Variants in CELF2 observed in about 807,000 individuals in gnomAD.
CELF2 encodes CUG triplet repeat RNA-binding protein 2.
A neutral mutation model predicts 62.6 loss-of-function variants in CELF2; 8 were observed. That is an observed-to-expected ratio of 0.13 (90% CI 0.07 to 0.23). The LOEUF is 0.23. CELF2 is among the 10% of genes least tolerant of loss of function. The pLI is 1.00. For missense variants in CELF2, 333 were observed against 671.0 expected, an observed-to-expected ratio of 0.50 and a Z score of 5.56; for synonymous variants, 258 against 250.0, an observed-to-expected ratio of 1.03 and a Z score of -0.30.
rs145328302 is a variant in CELF2, at chr10:11,243,621, A to G, written c.355-5532A>G. On this transcript the variant is annotated intron_variant, in intron 3 of 12. Coordinates refer to ENST00000633077, the MANE Select transcript of CELF2 (RefSeq NM_001326342.2). This position sits in a 1 kb window ranked among gnomAD's most constrained non-coding sequence, Gnocchi z 4.1. ...AAGTGCAGCTGAGATGAACATAAGT[A>G]ATAGACTCATTAATTGTTTCATCGT... Among the ~76,000 whole-genome samples, 1 of 152,338 alleles carries G rather than the reference A, an allele frequency of 6.6e-6. No homozygotes were observed. Among genetic ancestry groups the G allele is most frequent in the East Asian group, 1.9e-4 (1 of 5,182 alleles).
chr10:10,686,630 G>A, the CELF2 span, among the ~76,000 whole-genome samples: 1 of 152,030 alleles, frequency 6.6e-6, no homozygotes, highest in Non-Finnish European at 1.5e-5. Flanking sequence ...TTTATAAGGG[G>A]CTCCCCTCTT....
chr10:10,725,141 C>G, the CELF2 span, among the ~76,000 whole-genome samples: 1 of 152,128 alleles, frequency 6.6e-6, no homozygotes, highest in Non-Finnish European at 1.5e-5. Context: ...CTCTAATTTC[C>G]CTAAGGGTGG....
rs1443299979 is a variant in CELF2, at chr10:10,836,860, C to T, written c.53+38043C>T. The stretch of plus-strand genomic sequence containing the variant: ...CCGCGTTAGCCAGGATGGTCTTGAC[C>T]TCCTGACCTCGTGATCTGCCTGCCT... On this transcript the variant is annotated intron_variant, in intron 1 of 13. Coordinates refer to the CELF2 transcript ENST00000636488. Among the ~76,000 whole-genome samples, 3 of 152,170 alleles carry T rather than the reference C, an allele frequency of 2.0e-5. No individual in the cohort carries two copies. In the East Asian group the frequency reaches 5.8e-4, roughly 29 times the overall value.
intron 1 of CELF2, among the ~76,000 whole-genome samples, chr10:11,153,525 A>G (rs2132783244): frequency 6.6e-6 from 1 of 152,232 alleles, no homozygotes; most frequent in Non-Finnish European, 1.5e-5. Context: ...AGAGACAGAG[A>G]ACATGCGCTT....
intron 7 of CELF2, among the ~76,000 whole-genome samples, chr10:11,273,535 A>G (rs976338109): frequency 7.2e-5 from 11 of 152,086 alleles, no homozygotes; most frequent in Non-Finnish European, 1.5e-4. Flanking sequence ...AAGGTTGGGG[A>G]CTGCTGGAAT....
the CELF2 span, among the ~76,000 whole-genome samples, chr10:10,750,332 A>C: frequency 1.3e-5 from 2 of 152,282 alleles, no homozygotes; most frequent in African/African-American, 2.4e-5. Context: ...CCATCACTGA[A>C]AGGATCAGTC....
intron 2 of CELF2, among the ~76,000 whole-genome samples, chr10:10,964,719 T>C (rs767794608): frequency 2.6e-5 from 4 of 152,234 alleles, no homozygotes; most frequent in Non-Finnish European, 4.4e-5. Flanking sequence ...AACCTTCTCA[T>C]AGTGCCACTT....
rs997047472 is a variant in CELF2 at position 11,306,793 on chromosome 10, C to T, written c.977-7346C>T. On this transcript the variant is annotated intron_variant, in intron 9 of 12. Transcript: ENST00000633077. The surrounding 1 kb of genome is among the most constrained non-coding windows in gnomAD (Gnocchi z 4.4). Reference sequence around the variant, plus strand: ...ACTTTCTACTGGGACCGTCTAAGAACAGCGTAGTAAGAAGTGAGAAATTAT... The same window carrying T: ...ACTTTCTACTGGGACCGTCTAAGAATAGCGTAGTAAGAAGTGAGAAATTAT... 5.3e-5 allele frequency among the ~76,000 whole-genome samples: 8 copies of T among 152,170 alleles called. No homozygotes were observed. Among genetic ancestry groups the T allele is most frequent in the Admixed American group, 3.9e-4 (6 of 15,282 alleles).
chr10:10,708,896 C>A, the CELF2 span, among the ~76,000 whole-genome samples: 1 of 152,126 alleles, frequency 6.6e-6, no homozygotes, highest in Non-Finnish European at 1.5e-5. Flanking sequence ...CGTATAGGAA[C>A]ATGCACGTAC....
At chr10:10,645,882 A>G in the CELF2 span, among the ~76,000 whole-genome samples, 1 of 152,214 alleles carries the variant, frequency 6.6e-6, no homozygotes, top group South Asian at 2.1e-4. Context: ...TGATTCCATG[A>G]AAGCATGACA....
chr10:11,031,096 A>C (rs2138850151), intron 1 of CELF2, among the ~76,000 whole-genome samples: 1 of 152,348 alleles, frequency 6.6e-6, no homozygotes, highest in East Asian at 1.9e-4. Flanking sequence ...CATATGACTT[A>C]GACGAATGCT....
chr10:11,202,744 T>G (rs2059493111), intron 2 of CELF2, among the ~76,000 whole-genome samples: 1 of 152,186 alleles, frequency 6.6e-6, no homozygotes, highest in African/African-American at 2.4e-5. Context: ...GTGAGACCCT[T>G]AGTGGTGGGA....
At chr10:11,033,781 C>A (rs926386198) in intron 1 of CELF2, among the ~76,000 whole-genome samples, 2 of 152,170 alleles carry the variant, frequency 1.3e-5, no homozygotes, top group African/African-American at 4.8e-5. Context: ...CAGTGTGAGT[C>A]AGAAAATACA....
chr10:11,320,378 A>G (rs1209821244), intron 10 of CELF2, among the ~76,000 whole-genome samples: 2 of 152,140 alleles, frequency 1.3e-5, no homozygotes, highest in South Asian at 2.1e-4. Flanking sequence ...CATGACCTGG[A>G]GCTCTTTCAG....
the CELF2 span, among the ~76,000 whole-genome samples, chr10:10,575,242 C>T: frequency 1.3e-5 from 2 of 152,122 alleles, no homozygotes; most frequent in Non-Finnish European, 2.9e-5. Context: ...GAACACATTA[C>T]TTATTAACCC....
chr10:11,085,511 C>G (rs1370597454), intron 1 of CELF2, among the ~76,000 whole-genome samples: 1 of 152,198 alleles, frequency 6.6e-6, no homozygotes, highest in Non-Finnish European at 1.5e-5. Flanking sequence ...TTACAAAGTT[C>G]TCCTAAGCAC....
chr10:10,511,475 A>T, the CELF2 span, among the ~76,000 whole-genome samples: 9 of 152,230 alleles, frequency 5.9e-5, no homozygotes, highest in African/African-American at 1.9e-4. Context: ...ATATATTTAT[A>T]TATGGGTGTG....
the CELF2 span, among the ~76,000 whole-genome samples, chr10:10,750,296 A>AG: frequency 4.6e-5 from 7 of 152,108 alleles, no homozygotes; most frequent in African/African-American, 7.2e-5. Flanking sequence ...AAAAAAAAAA[A>AG]AAAGAAAAGC....
chr10:10,736,629 T>A, the CELF2 span, among the ~76,000 whole-genome samples: 3 of 151,996 alleles, frequency 2.0e-5, no homozygotes, highest in African/African-American at 4.8e-5. Flanking sequence ...TTGTTTTGAT[T>A]CACAAAACAG....
Sources: allele counts gnomAD v4.1 joint callset (sites outside exome capture counted in the v4.1 genomes callset), GRCh38; gene constraint gnomAD v4.1.1; non-coding constraint Gnocchi (gnomAD v3.1); transcripts MANE v1.5; gene names NCBI Gene and HGNC (gene_info 2026-07-23, HGNC 2026-07-21).